The following AFAP1 variants were observed in gnomAD, a reference collection of about 807,000 sequenced individuals.
The protein encoded by AFAP1 is actin filament associated protein 1.
In AFAP1, 75 loss-of-function variants were observed where a neutral mutation model predicts 93.9. The ratio of observed to expected loss-of-function variants is 0.80; its 90% CI spans 0.66 to 0.97. The LOEUF is 0.97. Ranked by LOEUF, AFAP1 falls within the 50% of genes least tolerant of loss-of-function variation. AFAP1 has a pLI of 0.00. For synonymous variants in AFAP1, 517 were observed against 430.7 expected, an observed-to-expected ratio of 1.20 and a Z score of -2.48; for missense variants, 1,201 against 1,050.8, an observed-to-expected ratio of 1.14 and a Z score of -1.98.
At chr4:7,769,040 G>C in intron 16 of AFAP1, 32 bp from the exon 17 acceptor site, 1 of 1,560,550 alleles carries the variant, frequency 6.4e-7, no homozygotes, top group Non-Finnish European at 8.7e-7. Context: ...CATGTGATGA[G>C]CGGTTTCTGG....
At position 7,909,876 on chromosome 4, in the gene AFAP1, T is replaced by C. The variant is rs115979569; in HGVS notation, c.-3+29780A>G. ...AGATGCAGCTAGGGTTGCAAACCAC[T>C]GTCCAAGACGCTCTCACACCTTGGC... On this transcript the variant is annotated intron_variant, in intron 1 of 17. Transcript: ENST00000420658. 6.9e-3 allele frequency among the ~76,000 whole-genome samples: 1,045 copies of C among 152,318 alleles called. 8 individuals carry two copies. Among genetic ancestry groups the C allele is most frequent in the African/African-American group, 0.022 (934 of 41,568 alleles).
At position 7,767,733 on chromosome 4, in the gene AFAP1, A is replaced by G. The variant is rs530258899; in HGVS notation, c.2418+1111T>C. Among the ~76,000 whole-genome samples, 64 of 152,168 alleles carry G rather than the reference A, an allele frequency of 4.2e-4. No homozygotes were observed. The South Asian group carries it at 0.013, about 32-fold the overall frequency. On this transcript the variant is annotated intron_variant, in intron 17 of 17. Coordinates refer to ENST00000420658, the MANE Select transcript of AFAP1 (RefSeq NM_001134647.2). ...CAGCAGGGGGGCGGCACTCATTCCC[A>G]TCTCGCAGGAAACACCTATCCCCAG...
Position 7,939,255 on chromosome 4 carries a change from GT to G in AFAP1, c.-3+400del. 3.4e-6 allele frequency: 1 copy of G among 292,884 alleles called. No homozygotes were observed. The highest frequency in any genetic ancestry group is 4.1e-4 in the Middle Eastern group (1 of 2,458). The allele number at this position is 292,884 out of a possible 1,614,324, so 18.1% of individuals were successfully genotyped here. On this transcript the variant is annotated intron_variant, in intron 1 of 17. Transcript: ENST00000420658. This position sits in a 1 kb window ranked among gnomAD's most constrained non-coding sequence, Gnocchi z 5.6. The stretch of plus-strand genomic sequence containing the variant: ...TCCCCTCGGTAAGTCGGACGAAGCA[GT>G]CTCGCTACGGGGGAGGGCGGCGGAG...
At position 7,763,453 on chromosome 4, in the gene AFAP1, A is replaced by C; in HGVS notation, c.*312T>G. On this transcript the variant is annotated 3_prime_UTR_variant, in exon 18 of 18. Coordinates refer to ENST00000420658, the MANE Select transcript of AFAP1 (RefSeq NM_001134647.2). Reference sequence around the variant, plus strand: ...GTCCAGGGCTGGGTTGGAATCGGTGAAAGCAATGGCCTATCTGGTTAGAAA... The same window carrying C: ...GTCCAGGGCTGGGTTGGAATCGGTGCAAGCAATGGCCTATCTGGTTAGAAA... 1 of 348,336 alleles carries C rather than the reference A, an allele frequency of 2.9e-6. No homozygotes were observed. The highest frequency in any genetic ancestry group is 5.2e-6 in the Non-Finnish European group (1 of 191,820). 21.6% of individuals were successfully genotyped at this position (348,336 alleles called of 1,614,324 possible).
intron 1 of AFAP1, among the ~76,000 whole-genome samples, chr4:7,878,028 A>C (rs1717613062): frequency 6.6e-6 from 1 of 152,150 alleles, no homozygotes; most frequent in Admixed American, 6.5e-5. Flanking sequence ...ACAAACACAC[A>C]TGGCTGGTGG....
chr4:7,910,363 TAC>T (rs1256378253), intron 1 of AFAP1, among the ~76,000 whole-genome samples: 1 of 151,894 alleles, frequency 6.6e-6, no homozygotes, highest in Non-Finnish European at 1.5e-5. Context: ...GGCCAACAGT[TAC>T]AGAGAGGGTG....
intron 1 of AFAP1, among the ~76,000 whole-genome samples, chr4:7,872,940 A>T (rs139447007): frequency 0.12 from 11,071 of 94,000 alleles, 417 homozygotes; most frequent in Non-Finnish European, 0.19. Flanking sequence ...TTTTTTTTTT[A>T]AAAAAAAAAA....
intron 7 of AFAP1, among the ~76,000 whole-genome samples, chr4:7,818,455 T>A (rs533907980): frequency 6.6e-6 from 1 of 152,200 alleles, no homozygotes; most frequent in South Asian, 2.1e-4. Flanking sequence ...GCTCAGAAAG[T>A]CCCAGGGACA....
chr4:7,915,172 C>T (rs540024727), intron 1 of AFAP1, among the ~76,000 whole-genome samples: 5 of 152,242 alleles, frequency 3.3e-5, no homozygotes, highest in South Asian at 2.1e-4. Flanking sequence ...TGTGCGCCCC[C>T]GCGCCCAGCC....
Position 7,771,798 on chromosome 4 carries a change from G to A in AFAP1, c.2253+1022C>T, listed in dbSNP as rs143097074. 1.9e-3 allele frequency among the ~76,000 whole-genome samples: 290 copies of A among 152,294 alleles called. 1 individual carries two copies. Among genetic ancestry groups the A allele is most frequent in the African/African-American group, 5.7e-3 (238 of 41,564 alleles). ...TGGCTGCTTGCTCAGCTCTGCAGGC[G>A]GGAGGGAGGTTGTCCTCTGGGTTGG... is the stretch of plus-strand genomic sequence containing the variant. On this transcript the variant is annotated intron_variant, in intron 16 of 17. Coordinates refer to ENST00000420658, the MANE Select transcript of AFAP1 (RefSeq NM_001134647.2).
At chr4:7,828,232 A>C (rs772795610) in intron 6 of AFAP1, among the ~76,000 whole-genome samples, 4 of 152,112 alleles carry the variant, frequency 2.6e-5, no homozygotes, top group African/African-American at 9.7e-5. Context: ...GATGCTAAGA[A>C]ATCCCTATAG....
intron 14 of AFAP1, chr4:7,776,739 C>T (rs1186458206): frequency 2.6e-5 from 4 of 152,198 alleles, no homozygotes; most frequent in Non-Finnish European, 5.9e-5. Context: ...AGAGGCGAAG[C>T]ATTCGACAAT....
rs775398829 is a variant in AFAP1, at chr4:7,763,744, C to G, written c.*21G>C. 3.0e-5 allele frequency: 47 copies of G among 1,551,510 alleles called. No individual in the cohort carries two copies. The Middle Eastern group carries it at 5.0e-4, about 16-fold the overall frequency. The stretch of plus-strand genomic sequence containing the variant: ...GCAAGGGGGTGTGCAGTCTCTGAGG[C>G]TGGAGTGGTGCTGCTGTCCCCTAGG... On this transcript the variant is annotated 3_prime_UTR_variant, in exon 18 of 18. Transcript: ENST00000420658.
chr4:7,822,586 CT>C (rs5855982), intron 6 of AFAP1, among the ~76,000 whole-genome samples: 12,657 of 132,178 alleles, frequency 0.096, 654 homozygotes, highest in East Asian at 0.42. Context: ...TTTCTTTTTT[CT>C]TTTTTTTTTT....
At chr4:7,923,661 T>C (rs1306789220) in intron 1 of AFAP1, among the ~76,000 whole-genome samples, 2 of 152,132 alleles carry the variant, frequency 1.3e-5, no homozygotes, top group African/African-American at 4.8e-5. Flanking sequence ...GTATTTTTAG[T>C]AGAAACAGGG....
At position 7,883,137 on chromosome 4, in the gene AFAP1, A is replaced by C. The variant is rs1039870869; in HGVS notation, c.-2-11057T>G. Among the ~76,000 whole-genome samples, 3 of 148,260 alleles carry C rather than the reference A, an allele frequency of 2.0e-5. No individual in the cohort carries two copies. In the Admixed American group the frequency reaches 2.0e-4, roughly 10 times the overall value. ...GGAGGTTGAGGTTACGGTGAGCCAT[A>C]AGCGCATCACTGCACTCCAGCCTGG... On this transcript the variant is annotated intron_variant, in intron 1 of 17. Transcript: ENST00000420658.
rs1030172814 is a variant in AFAP1, at chr4:7,763,441, T to C, written c.*324A>G. 2.6e-5 allele frequency: 8 copies of C among 310,760 alleles called. No individual in the cohort carries two copies. The highest frequency in any genetic ancestry group is 5.9e-6 in the Non-Finnish European group (1 of 168,638). 19.3% of individuals were successfully genotyped at this position (310,760 alleles called of 1,614,324 possible). A position where few individuals can be genotyped will look rare whatever the true frequency, so the allele number is the denominator to read the frequency against. ...CATCCATCCTCAGTCCAGGGCTGGG[T>C]TGGAATCGGTGAAAGCAATGGCCTA... On this transcript the variant is annotated 3_prime_UTR_variant, in exon 18 of 18. Transcript: ENST00000420658.
At chr4:7,783,354 G>A (rs1716960140) in intron 12 of AFAP1, among the ~76,000 whole-genome samples, 1 of 152,150 alleles carries the variant, frequency 6.6e-6, no homozygotes. Flanking sequence ...TGGCCAGGCT[G>A]GTCTCGAACT....
intron 6 of AFAP1, among the ~76,000 whole-genome samples, chr4:7,823,568 C>A: frequency 6.6e-6 from 1 of 152,168 alleles, no homozygotes; most frequent in African/African-American, 2.4e-5. Flanking sequence ...TGGAGTGTCC[C>A]CATCCCTCTC....
Sources: gnomAD v4.1 joint callset for allele counts (sites outside exome capture counted in the v4.1 genomes callset) on GRCh38, gnomAD v4.1.1 for gene constraint, Gnocchi (gnomAD v3.1) non-coding constraint, MANE v1.5 for transcripts, NCBI Gene and HGNC (gene_info 2026-07-23, HGNC 2026-07-21) for gene names.